AP3B2: variants seen among roughly 807,000 people sequenced by gnomAD.
The protein encoded by AP3B2 is AP-3 complex subunit beta-2.
A neutral mutation model predicts 126.9 loss-of-function variants in AP3B2; 50 were observed. The observed-to-expected ratio is 0.39, with a 90% CI of 0.31 to 0.50. The LOEUF is 0.50. AP3B2 is among the 20% of genes least tolerant of loss of function. AP3B2 has a pLI of 0.79. For missense variants in AP3B2, 1,177 were observed against 1,426.4 expected (o/e 0.83, Z 2.82); for synonymous variants, 541 against 565.0 (o/e 0.96, Z 0.60).
chr15:82,701,305 T>C (rs2048716446), intron 1 of AP3B2, among the ~76,000 whole-genome samples: 1 of 152,132 alleles, frequency 6.6e-6, no homozygotes, highest in Non-Finnish European at 1.5e-5. Flanking sequence ...TTTCTTCCCT[T>C]CAGCCTCTCT....
At position 82,662,836 on chromosome 15, in the gene AP3B2, G is replaced by A. The variant is rs373913491; in HGVS notation, c.2691C>T (p.Ser897=). 1.1e-5 allele frequency: 17 copies of A among 1,613,572 alleles called. No individual in the cohort carries two copies. The highest frequency in any genetic ancestry group is 1.4e-5 in the Non-Finnish European group (17 of 1,179,802). ...GEGLAVDYTF[S]RQPFSGDPHM... The stretch of plus-strand genomic sequence containing the variant: ...GGGGATCCCCGGAGAAAGGTTGGCG[G>A]CTGAAGGTGTAGTCCACAGCCAGCC... Residue 897 remains serine (S), a synonymous_variant, in exon 23 of 27, where the codon AGC becomes AGT. Coordinates refer to ENST00000535359, the MANE Select transcript of AP3B2 (RefSeq NM_001278512.2).
intron 10 of AP3B2, among the ~76,000 whole-genome samples, chr15:82,678,866 C>A (rs1305623229): frequency 6.6e-6 from 1 of 152,208 alleles, no homozygotes; most frequent in African/African-American, 2.4e-5. Flanking sequence ...TCATCATGTA[C>A]CCCTAGAACA....
chr15:82,702,348 G>A (rs528632452), intron 1 of AP3B2, among the ~76,000 whole-genome samples: 2 of 152,116 alleles, frequency 1.3e-5, no homozygotes, highest in Non-Finnish European at 2.9e-5. Flanking sequence ...CCATCCAGTT[G>A]CAGGAACTAG....
Position 82,662,838 on chromosome 15 carries a change from T to A in AP3B2, c.2689A>T (p.Ser897Cys). 6.2e-7 allele frequency: 1 copy of A among 1,613,658 alleles called. No individual in the cohort carries two copies. Among genetic ancestry groups the A allele is most frequent in the Non-Finnish European group, 8.5e-7 (1 of 1,179,788 alleles). ...GGATCCCCGGAGAAAGGTTGGCGGC[T>A]GAAGGTGTAGTCCACAGCCAGCCCC... is the stretch of plus-strand genomic sequence containing the variant. ...GEGLAVDYTF[S>C]RQPFSGDPHM... Residue 897 changes from serine to cysteine, a missense_variant, in exon 23 of 27, where the codon AGC becomes TGC. Ser to Cys is a moderately radical substitution (Grantham distance 112). Around this residue, in one of 5 missense-constraint regions of AP3B2, gnomAD observed 587 missense variants for 571.3 expected, o/e 1.03. Transcript: ENST00000535359.
intron 4 of AP3B2, among the ~76,000 whole-genome samples, chr15:82,683,047 GTT>G (rs61213011): frequency 4.4e-3 from 339 of 77,630 alleles, no homozygotes; most frequent in African/African-American, 0.014. Context: ...TGCACCAGGA[GTT>G]TTTTTTTTTT....
At chr15:82,702,573 GTCCCCCGCCCC>G (rs2048735797) in intron 1 of AP3B2, among the ~76,000 whole-genome samples, 1 of 151,776 alleles carries the variant, frequency 6.6e-6, no homozygotes, top group Admixed American at 6.6e-5. Flanking sequence ...AGCACCTTGT[GTCCCCCGCCCC>G]TGCCCACCAA....
chr15:82,667,858 C>T (rs1163533003), intron 14 of AP3B2, among the ~76,000 whole-genome samples: 1 of 152,204 alleles, frequency 6.6e-6, no homozygotes, highest in Non-Finnish European at 1.5e-5. Flanking sequence ...CCATCTGCTT[C>T]CCTTCACTGC....
At position 82,709,632 on chromosome 15, in the gene AP3B2, G is replaced by T; in HGVS notation, c.75C>A (p.Asp25Glu). Reference sequence around the variant, plus strand: ...AGGAGAAGATGCCGCCGCTCGCGGGGTCGTGGCCGTACTCGGGCTCCCCGG... The same window carrying T: ...AGGAGAAGATGCCGCCGCTCGCGGGTTCGTGGCCGTACTCGGGCTCCCCGG... ...AGPGEPEYGHDPASGGIFSSD... is the reference protein window; with the variant it reads ...AGPGEPEYGHEPASGGIFSSD... Residue 25 changes from aspartate (D) to glutamate (E), a missense_variant, in exon 1 of 27, where the codon GAC (aspartate) becomes GAA (glutamate). Around this residue, in one of 5 missense-constraint regions of AP3B2, gnomAD observed 49 missense variants for 39.3 expected, o/e 1.25. Transcript: ENST00000535359. The T allele has an allele frequency of 6.6e-7, 1 of 1,520,382 alleles. No individual in the cohort carries two copies. Among genetic ancestry groups the T allele is most frequent in the Non-Finnish European group, 8.8e-7 (1 of 1,136,886 alleles). 94.2% of individuals were successfully genotyped at this position (1,520,382 alleles called of 1,614,324 possible).
chr15:82,688,224 T>A, intron 4 of AP3B2: 2 of 576,034 alleles, frequency 3.5e-6, no homozygotes, highest in South Asian at 4.6e-5. Flanking sequence ...TCAAGATGTC[T>A]TAGACTAACC....
Position 82,679,812 on chromosome 15 carries a change from G to A in AP3B2, c.1111-12C>T. The stretch of plus-strand genomic sequence containing the variant: ...GGCTCAAACATACCCTGGCACAAGA[G>A]AGGCAGCTAGGGAGCTCCACCGAAG... On this transcript the variant is annotated splice_polypyrimidine_tract_variant and intron_variant, in intron 9 of 26. Coordinates refer to ENST00000535359, the MANE Select transcript of AP3B2 (RefSeq NM_001278512.2). 1 of 1,613,464 alleles carries A rather than the reference G, an allele frequency of 6.2e-7. No homozygotes were observed. The highest frequency in any genetic ancestry group is 8.5e-7 in the Non-Finnish European group (1 of 1,179,488).
chr15:82,689,085 C>T, intron 3 of AP3B2, 73 bp downstream of exon 3: 2 of 1,557,348 alleles, frequency 1.3e-6, no homozygotes, highest in Admixed American at 1.7e-5. Flanking sequence ...AAATCATTTC[C>T]TTCCTCACCC....
intron 1 of AP3B2, among the ~76,000 whole-genome samples, chr15:82,691,131 G>A (rs892417630): frequency 3.3e-5 from 5 of 152,142 alleles, no homozygotes; most frequent in African/African-American, 9.7e-5. Context: ...ACCCAATAAC[G>A]GGATCACTGG....
rs368331201 is a variant in AP3B2, at chr15:82,659,927, G to A, written c.3073C>T (p.Arg1025Trp). ...TTCTGCACCACAATGTGGTCACTCCGACAGGTGTCTGGCAGCATGAGTTTC... is the reference window on the plus strand; with the variant it reads ...TTCTGCACCACAATGTGGTCACTCCAACAGGTGTCTGGCAGCATGAGTTTC... ...TEKLMLPDTC[R>W]SDHIVVQKVT... The change falls in exon 26 of 27, where the codon CGG becomes TGG. Residue 1025 changes from arginine (R) to tryptophan (W), a missense_variant. By Grantham distance (101) the Arg-to-Trp change is moderately radical. Transcript: ENST00000535359. 1.9e-5 allele frequency: 31 copies of A among 1,613,794 alleles called. No individual in the cohort carries two copies. In the African/African-American group the frequency reaches 2.3e-4, roughly 12 times the overall value.
chr15:82,677,719 G>A lies in AP3B2; in HGVS notation c.1330C>T (p.Arg444Cys), dbSNP rs2048266783. Reference protein sequence around the residue: ...GRCATNIGRVRDTCLNGLVQL... With the variant: ...GRCATNIGRVCDTCLNGLVQL... ...ACCAGGCCATTGAGGCAGGTGTCAC[G>A]GACTCGGCCGATGTTAGTTGCACAG... The change falls in exon 12 of 27, where the codon CGT (arginine) becomes TGT (cysteine). Residue 444 changes from arginine to cysteine, a missense_variant. Physicochemically the swap from Arg to Cys is radical, Grantham distance 180. Coordinates refer to ENST00000535359, the MANE Select transcript of AP3B2 (RefSeq NM_001278512.2). 2.5e-6 allele frequency: 4 copies of A among 1,603,074 alleles called. No individual in the cohort carries two copies. Among genetic ancestry groups the A allele is most frequent in the East Asian group, 2.2e-5 (1 of 44,508 alleles).
chr15:82,695,095 C>CTTTTT (rs747831776), intron 1 of AP3B2, among the ~76,000 whole-genome samples: 7 of 134,812 alleles, frequency 5.2e-5, no homozygotes, highest in African/African-American at 1.7e-4. Flanking sequence ...TTCTTTCTTT[C>CTTTTT]TTTTTTTTTT....
rs566439066 is a variant in AP3B2, at chr15:82,681,939, C to G, written c.361-359G>C. 6.6e-6 allele frequency among the ~76,000 whole-genome samples: 1 copy of G among 152,104 alleles called. No homozygotes were observed. The highest frequency in any genetic ancestry group is 2.1e-4 in the South Asian group (1 of 4,826). ...GAGGTGACCGCCCAGCAGATGCAAG[C>G]TGGTCTCCCTTCCGGAGTTCAACCT... On this transcript the variant is annotated intron_variant, in intron 4 of 26. Transcript: ENST00000535359. This position sits in a 1 kb window ranked among gnomAD's most constrained non-coding sequence, Gnocchi z 4.0.
At chr15:82,670,901 A>G (rs1184042744) in intron 14 of AP3B2, among the ~76,000 whole-genome samples, 1 of 152,250 alleles carries the variant, frequency 6.6e-6, no homozygotes, top group East Asian at 1.9e-4. Flanking sequence ...AGCTGAATAG[A>G]CATTTCTCAA....
intron 1 of AP3B2, chr15:82,692,414 T>C: frequency 2.2e-6 from 1 of 460,422 alleles, no homozygotes; most frequent in Non-Finnish European, 3.8e-6. Context: ...CCGCGGGCTC[T>C]GAGGCGCTCA....
chr15:82,660,759 T>C (rs573822906), intron 25 of AP3B2, among the ~76,000 whole-genome samples: 1 of 152,346 alleles, frequency 6.6e-6, no homozygotes, highest in East Asian at 1.9e-4. Context: ...TAACATTTTC[T>C]TGTTTTTGTT....
Sources: gnomAD v4.1 joint callset for allele counts (sites outside exome capture counted in the v4.1 genomes callset) on GRCh38, gnomAD v4.1.1 for gene constraint, gnomAD v4.1.1 regional missense constraint, Gnocchi (gnomAD v3.1) non-coding constraint, MANE v1.5 for transcripts, NCBI Gene and HGNC (gene_info 2026-07-23, HGNC 2026-07-21) for gene names.